ASCC3: variants seen among roughly 807,000 people sequenced by gnomAD.
The protein encoded by ASCC3 is ASC-1 complex subunit P200.
ASCC3 carries 158 observed loss-of-function variants against 256.3 expected under a neutral mutation model. The ratio of observed to expected loss-of-function variants is 0.62; its 90% CI spans 0.54 to 0.70. The LOEUF (loss-of-function observed/expected upper bound fraction) is 0.70. Among genes scored for constraint, ASCC3 ranks in the 30% least tolerant of loss-of-function variants. ASCC3 has a pLI of 0.00. For missense variants in ASCC3, 2,259 were observed against 2,626.0 expected, an observed-to-expected ratio of 0.86 and a Z score of 3.05; for synonymous variants, 948 against 883.4, an observed-to-expected ratio of 1.07 and a Z score of -1.30.
Position 100,672,570 on chromosome 6 carries a change from T to A in ASCC3, c.2286+7048A>T, listed in dbSNP as rs117624770. 2.4e-3 allele frequency among the ~76,000 whole-genome samples: 361 copies of A among 152,220 alleles called. 1 individual carries two copies. Among genetic ancestry groups the A allele is most frequent in the Non-Finnish European group, 3.1e-3 (210 of 67,930 alleles). On this transcript the variant is annotated intron_variant, in intron 14 of 41. Coordinates refer to ENST00000369162, the MANE Select transcript of ASCC3 (RefSeq NM_006828.4). ...GTTGAAAGTTTTAACAGATGTACTA[T>A]ACATTCAAAATTTGGTTTTCTAGTG...
intron 36 of ASCC3, among the ~76,000 whole-genome samples, chr6:100,583,599 C>A (rs1490635176): frequency 6.6e-6 from 1 of 152,126 alleles, no homozygotes; most frequent in Non-Finnish European, 1.5e-5. Context: ...GAGTTCTACT[C>A]TGATTTTAGT....
At chr6:100,695,659 T>C (rs1247803287) in intron 13 of ASCC3, among the ~76,000 whole-genome samples, 2 of 152,192 alleles carry the variant, frequency 1.3e-5, no homozygotes, top group South Asian at 2.1e-4. Flanking sequence ...CAAGGGAGTC[T>C]GGTAACCATA....
intron 4 of ASCC3, among the ~76,000 whole-genome samples, chr6:100,843,304 CAG>C (rs1416950592): frequency 6.6e-6 from 1 of 152,152 alleles, no homozygotes; most frequent in African/African-American, 2.4e-5. Flanking sequence ...TGCTTGACAT[CAG>C]ACACATATCT....
At chr6:100,783,673 C>T (rs971616700) in intron 8 of ASCC3, among the ~76,000 whole-genome samples, 1 of 152,152 alleles carries the variant, frequency 6.6e-6, no homozygotes, top group African/African-American at 2.4e-5. Flanking sequence ...TCACTAAATA[C>T]ACCAATCCCA....
chr6:100,642,710 G>C lies in ASCC3; in HGVS notation c.3772C>G (p.Pro1258Ala). 6.2e-7 allele frequency: 1 copy of C among 1,613,524 alleles called. No individual in the cohort carries two copies. Residue 1258 changes from proline (P) to alanine (A), a missense_variant, in exon 24 of 42, where the codon CCT becomes GCT. By Grantham distance (27) the Pro-to-Ala change is conservative (BLOSUM62 -1). Coordinates refer to ENST00000369162, the MANE Select transcript of ASCC3 (RefSeq NM_006828.4). ...TGGGAAGGCAAAGGCTCAAAAATAG[G>C]GATTGTAAATACCAGTAGTTGGGCT... is the stretch of plus-strand genomic sequence containing the variant. ...KEAQLLVFTI[P>A]IFEPLPSQYY...
At chr6:100,721,946 T>C (rs1043670713) in intron 11 of ASCC3, among the ~76,000 whole-genome samples, 2 of 151,870 alleles carry the variant, frequency 1.3e-5, no homozygotes, top group East Asian at 1.9e-4. Flanking sequence ...GATTTTCTTG[T>C]AGGATTTTTA....
At chr6:100,663,334 C>A (rs1203498603) in intron 14 of ASCC3, among the ~76,000 whole-genome samples, 1 of 152,036 alleles carries the variant, frequency 6.6e-6, no homozygotes, top group Non-Finnish European at 1.5e-5. Flanking sequence ...ATAAACAAAT[C>A]ATGTTTTAAG....
chr6:100,840,642 AATT>A (rs1772100095), intron 4 of ASCC3, among the ~76,000 whole-genome samples: 1 of 152,082 alleles, frequency 6.6e-6, no homozygotes, highest in Non-Finnish European at 1.5e-5. Context: ...AACCATTAAA[AATT>A]ATTACATTAT....
At chr6:100,867,654 C>G (rs1773541785) in intron 2 of ASCC3, among the ~76,000 whole-genome samples, 1 of 151,556 alleles carries the variant, frequency 6.6e-6, no homozygotes, top group South Asian at 2.1e-4. Flanking sequence ...TGGTAGGGAG[C>G]TGAACAAAAA....
chr6:100,833,732 G>A (rs929489664), intron 4 of ASCC3, among the ~76,000 whole-genome samples: 2 of 152,146 alleles, frequency 1.3e-5, no homozygotes, highest in African/African-American at 4.8e-5. Flanking sequence ...TTGTAAAACT[G>A]AAGGATGTGT....
At chr6:100,654,291 A>C (rs374928917) in intron 17 of ASCC3, among the ~76,000 whole-genome samples, 42 of 151,294 alleles carry the variant, frequency 2.8e-4, no homozygotes, top group Middle Eastern at 3.4e-3. Context: ...AATAACATTA[A>C]AACACACAAA....
At chr6:100,737,737 A>C (rs1562261894) in intron 10 of ASCC3, among the ~76,000 whole-genome samples, 1 of 152,222 alleles carries the variant, frequency 6.6e-6, no homozygotes, top group South Asian at 2.1e-4. Context: ...TCCTTTTGTT[A>C]TATACCCAGT....
intron 8 of ASCC3, among the ~76,000 whole-genome samples, chr6:100,774,163 G>A (rs1442592448): frequency 3.3e-5 from 5 of 152,136 alleles, no homozygotes; most frequent in African/African-American, 1.2e-4. Context: ...TCTGGGTTTT[G>A]CTGATGATTT....
chr6:100,580,001 T>C (rs1771119959), intron 36 of ASCC3, among the ~76,000 whole-genome samples: 1 of 152,188 alleles, frequency 6.6e-6, no homozygotes, highest in East Asian at 1.9e-4. Flanking sequence ...TCTGATTTTT[T>C]TGAGCAGTGT....
At chr6:100,634,645 G>A (rs1006481552) in intron 25 of ASCC3, among the ~76,000 whole-genome samples, 10 of 151,922 alleles carry the variant, frequency 6.6e-5, no homozygotes, top group African/African-American at 2.4e-4. Context: ...ATGAAAAGGT[G>A]CTCAATATAA....
At chr6:100,688,884 T>C (rs1420120582) in intron 13 of ASCC3, among the ~76,000 whole-genome samples, 3 of 152,160 alleles carry the variant, frequency 2.0e-5, no homozygotes, top group Non-Finnish European at 4.4e-5. Context: ...AATCAATAAA[T>C]ACAATAATGT....
intron 10 of ASCC3, among the ~76,000 whole-genome samples, chr6:100,732,682 C>CTAGAAG (rs67326368): frequency 0.94 from 142,711 of 151,838 alleles, 67,388 homozygotes; most frequent in South Asian, 0.99. Context: ...ACAAAGATAA[C>CTAGAAG]TAGAAGTTAT....
At chr6:100,580,236 A>C (rs1222091439) in intron 36 of ASCC3, among the ~76,000 whole-genome samples, 1 of 152,110 alleles carries the variant, frequency 6.6e-6, no homozygotes, top group Non-Finnish European at 1.5e-5. Context: ...TAAATTGACT[A>C]CATAAAGCGT....
intron 37 of ASCC3, among the ~76,000 whole-genome samples, chr6:100,520,560 G>A (rs1391973060): frequency 6.6e-6 from 1 of 151,826 alleles, no homozygotes; most frequent in Non-Finnish European, 1.5e-5. Flanking sequence ...GATAGTTGTA[G>A]GTACAGTCAA....
Sources: gnomAD v4.1 joint callset for allele counts (sites outside exome capture counted in the v4.1 genomes callset) on GRCh38, gnomAD v4.1.1 for gene constraint, MANE v1.5 for transcripts, NCBI Gene and HGNC (gene_info 2026-07-23, HGNC 2026-07-21) for gene names.